LOC128462377: variants seen among roughly 807,000 people sequenced by gnomAD.
the LOC128462377 span, among the ~76,000 whole-genome samples, chr16:89,375,449 A>T: frequency 8.0e-6 from 1 of 124,642 alleles, no homozygotes; most frequent in South Asian, 2.9e-4. Flanking sequence ...CAGGCAACAC[A>T]GCAAGACTCT....
At chr16:89,326,464 G>A in the LOC128462377 span, among the ~76,000 whole-genome samples, 1 of 152,082 alleles carries the variant, frequency 6.6e-6, no homozygotes, top group African/African-American at 2.4e-5. Flanking sequence ...CACAAATAGG[G>A]CCAGGCACGG....
At chr16:89,406,064 C>T in the LOC128462377 span, among the ~76,000 whole-genome samples, 6 of 146,826 alleles carry the variant, frequency 4.1e-5, no homozygotes, top group Non-Finnish European at 7.4e-5. Context: ...GAACCAAGAT[C>T]GCATAACTGC....
the LOC128462377 span, among the ~76,000 whole-genome samples, chr16:89,337,688 C>T: frequency 3.8e-3 from 582 of 152,218 alleles, 2 homozygotes; most frequent in African/African-American, 0.014. Context: ...GATCCACCCG[C>T]CTCGGCCTCC....
At chr16:89,407,775 A>G in the LOC128462377 span, among the ~76,000 whole-genome samples, 1 of 149,872 alleles carries the variant, frequency 6.7e-6, no homozygotes, top group East Asian at 2.0e-4. Context: ...GCTTGAGCCC[A>G]GGAGGCAGAG....
At chr16:89,340,696 AT>A in the LOC128462377 span, among the ~76,000 whole-genome samples, 4 of 152,232 alleles carry the variant, frequency 2.6e-5, no homozygotes, top group Admixed American at 6.5e-5. Context: ...AACAAATTTC[AT>A]TTAAATAAAA....
At chr16:89,319,273 C>A in the LOC128462377 span, among the ~76,000 whole-genome samples, 1 of 152,212 alleles carries the variant, frequency 6.6e-6, no homozygotes, top group African/African-American at 2.4e-5. Context: ...CTTATCACTT[C>A]ACTCCTGAGA....
At chr16:89,364,799 C>T in the LOC128462377 span, among the ~76,000 whole-genome samples, 1 of 152,228 alleles carries the variant, frequency 6.6e-6, no homozygotes, top group Non-Finnish European at 1.5e-5. Flanking sequence ...CACACAATCT[C>T]ATCTCGGCTC....
chr16:89,359,187 C>T, the LOC128462377 span, among the ~76,000 whole-genome samples: 1 of 152,122 alleles, frequency 6.6e-6, no homozygotes, highest in East Asian at 1.9e-4. Context: ...AACAAGATCA[C>T]GGAAATGCGA....
the LOC128462377 span, chr16:89,323,356 G>C: frequency 4.7e-6 from 6 of 1,287,984 alleles, no homozygotes; most frequent in South Asian, 7.4e-5. Context: ...AGCACCACTG[G>C]CCTCTCACCT....
chr16:89,325,829 G>A, the LOC128462377 span, among the ~76,000 whole-genome samples: 1 of 152,226 alleles, frequency 6.6e-6, no homozygotes, highest in East Asian at 1.9e-4. Context: ...TGCAGGACCT[G>A]TTCTTCTCAG....
At chr16:89,324,517 C>T in the LOC128462377 span, 1 of 456,208 alleles carries the variant, frequency 2.2e-6, no homozygotes, top group Non-Finnish European at 4.4e-6. Flanking sequence ...GAGGAAGCTG[C>T]CAAAGGAGAT....
the LOC128462377 span, among the ~76,000 whole-genome samples, chr16:89,365,899 C>A: frequency 4.0e-5 from 6 of 151,454 alleles, no homozygotes; most frequent in Admixed American, 3.3e-4. Flanking sequence ...GTCTGCTGGT[C>A]CCTCTCTGTG....
At chr16:89,361,210 A>C in the LOC128462377 span, among the ~76,000 whole-genome samples, 2 of 152,222 alleles carry the variant, frequency 1.3e-5, no homozygotes, top group African/African-American at 4.8e-5. Context: ...ACCCCTTAGG[A>C]AACCCCAGCA....
At chr16:89,382,424 C>G in the LOC128462377 span, among the ~76,000 whole-genome samples, 1 of 152,094 alleles carries the variant, frequency 6.6e-6, no homozygotes. Context: ...CTCCCAGGTT[C>G]AAGCAATTCT....
the LOC128462377 span, among the ~76,000 whole-genome samples, chr16:89,349,484 A>G: frequency 3.3e-5 from 5 of 152,220 alleles, no homozygotes; most frequent in African/African-American, 9.6e-5. Flanking sequence ...ATCTCAAAAA[A>G]GACCAAAAAT....
the LOC128462377 span, among the ~76,000 whole-genome samples, chr16:89,319,106 C>T: frequency 6.6e-6 from 1 of 152,238 alleles, no homozygotes; most frequent in Admixed American, 6.5e-5. Flanking sequence ...AGACTGTCTG[C>T]TCTCAGGACG....
the LOC128462377 span, among the ~76,000 whole-genome samples, chr16:89,343,349 T>G: frequency 6.6e-6 from 1 of 152,226 alleles, no homozygotes; most frequent in Non-Finnish European, 1.5e-5. Flanking sequence ...AAATTGACAT[T>G]TAGTTATAAG....
the LOC128462377 span, among the ~76,000 whole-genome samples, chr16:89,414,842 GT>G: frequency 4.3e-3 from 656 of 152,352 alleles, 8 homozygotes; most frequent in African/African-American, 0.015. Flanking sequence ...AGAAGCGACT[GT>G]GGATCTCATC....
At chr16:89,405,907 C>T in the LOC128462377 span, among the ~76,000 whole-genome samples, 1 of 151,936 alleles carries the variant, frequency 6.6e-6, no homozygotes, top group Non-Finnish European at 1.5e-5. Context: ...GACAGGAGTT[C>T]GAGAGCAGTC....
Sources: allele counts gnomAD v4.1 joint callset (sites outside exome capture counted in the v4.1 genomes callset), GRCh38; gene constraint gnomAD v4.1.1; transcripts MANE v1.5.